AP3D1: variants seen among roughly 807,000 people sequenced by gnomAD.
AP3D1 encodes the protein adaptor related protein complex 3 subunit delta 1, also known as AP-3 complex subunit delta-1.
AP3D1 carries 51 observed loss-of-function variants against 147.6 expected under a neutral mutation model. That is an observed-to-expected ratio of 0.35 (90% confidence interval 0.28 to 0.44). The LOEUF is 0.44. AP3D1 is among the 20% of genes least tolerant of loss of function. AP3D1 has a pLI of 1.00. For synonymous variants in AP3D1, 760 were observed against 663.0 expected (o/e 1.15, Z -2.25); for missense variants, 1,421 against 1,624.2 (o/e 0.87, Z 2.15).
At chr19:2,120,555 G>A (rs1599459944) in intron 14 of AP3D1, among the ~76,000 whole-genome samples, 2 of 152,164 alleles carry the variant, frequency 1.3e-5, no homozygotes, top group South Asian at 4.1e-4. Flanking sequence ...CCAGCCCCCC[G>A]TCTGCAGCCC....
rs1358320501 is a variant in AP3D1 at position 2,121,180 on chromosome 19, G to A, written c.1233C>T (p.Tyr411=). 1 of 1,614,090 alleles carries A rather than the reference G, an allele frequency of 6.2e-7. No homozygotes were observed. Among genetic ancestry groups the A allele is most frequent in the African/African-American group, 1.3e-5 (1 of 74,930 alleles). The change falls in exon 13 of 32, where the codon TAC becomes TAT. Residue 411 remains tyrosine, a synonymous_variant. Transcript: ENST00000643116. ...IDICSQSNYQ[Y]ITNFEWYISI... is the part of the protein sequence containing the mutation. ...GGACGCACCACTCGAAGTTGGTGATGTACTGGTAGTTGGACTGGCTGCAGA... is the reference window on the plus strand; with the variant it reads ...GGACGCACCACTCGAAGTTGGTGATATACTGGTAGTTGGACTGGCTGCAGA...
At chr19:2,124,098 C>T (rs1442295149) in intron 9 of AP3D1, among the ~76,000 whole-genome samples, 1 of 152,248 alleles carries the variant, frequency 6.6e-6, no homozygotes, top group Non-Finnish European at 1.5e-5. Flanking sequence ...CCCACCCTCA[C>T]TGACAGGATG....
intron 1 of AP3D1, among the ~76,000 whole-genome samples, chr19:2,144,761 G>C (rs1183765937): frequency 6.6e-6 from 1 of 152,138 alleles, no homozygotes; most frequent in Non-Finnish European, 1.5e-5. Flanking sequence ...AAATTAGCTT[G>C]GTATGGTGGT....
rs549968593 is a variant in AP3D1 at position 2,123,426 on chromosome 19, G to A, written c.907-20C>T. The A allele has an allele frequency of 1.5e-5, 24 of 1,613,458 alleles. No individual in the cohort carries two copies. Among genetic ancestry groups the A allele is most frequent in the African/African-American group, 4.0e-5 (3 of 75,026 alleles). The stretch of plus-strand genomic sequence containing the variant: ...ACAAAGCTGAAAAGAAGAAAAAAAC[G>A]ATGCTGGTTACATCCTCTAAACCAA... On this transcript the variant is annotated intron_variant, in intron 10 of 31. Transcript: ENST00000643116.
At chr19:2,162,678 C>CA (rs2019737712) in intron 1 of AP3D1, among the ~76,000 whole-genome samples, 1 of 118,258 alleles carries the variant, frequency 8.5e-6, no homozygotes, top group East Asian at 2.6e-4. Context: ...CAAACCCCCC[C>CA]ACTCAAAAAA....
intron 11 of AP3D1, 76 bp from the exon 12 acceptor site, chr19:2,121,955 G>C: frequency 6.7e-7 from 1 of 1,485,484 alleles, no homozygotes; most frequent in Non-Finnish European, 9.0e-7. Flanking sequence ...ACGGCTCTCC[G>C]GGCCGGGTCT....
intron 31 of AP3D1, among the ~76,000 whole-genome samples, chr19:2,105,885 A>C (rs1267452689): frequency 6.6e-6 from 1 of 151,888 alleles, no homozygotes; most frequent in African/African-American, 2.4e-5. Flanking sequence ...CAGGAGTTTG[A>C]GACCAGCCTG....
rs564413775 is a variant in AP3D1, at chr19:2,118,564, C to A, written c.1713+37G>T. 17 of 1,578,254 alleles carry A rather than the reference C, an allele frequency of 1.1e-5. No homozygotes were observed. In the African/African-American group the frequency reaches 1.9e-4, roughly 17 times the overall value. On this transcript the variant is annotated intron_variant, in intron 15 of 31. Transcript: ENST00000643116. The stretch of plus-strand genomic sequence containing the variant: ...CTGGACAGAAAGGCACTGAGGGCTC[C>A]CTGAGGCTCGGCCCAACACGGAGTG...
chr19:2,114,891 G>C, intron 20 of AP3D1, 70 bp from the exon 21 acceptor site: 1 of 1,516,438 alleles, frequency 6.6e-7, no homozygotes, highest in Non-Finnish European at 9.2e-7. Context: ...ATCTATCTGG[G>C]ACGCAGTGGG....
rs576491441 is a variant in AP3D1 at position 2,107,406 on chromosome 19, C to T, written c.3552+1281G>A. Reference sequence around the variant, plus strand: ...ATCCTCAGTATGCTCCCAGAGGGCACTGGAACCAAACCGGACATCAAGAAA... The same window carrying T: ...ATCCTCAGTATGCTCCCAGAGGGCATTGGAACCAAACCGGACATCAAGAAA... On this transcript the variant is annotated intron_variant, in intron 31 of 31. Transcript: ENST00000643116. Among the ~76,000 whole-genome samples the T allele has an allele frequency of 2.1e-3, 320 of 152,130 alleles. 1 individual carries two copies. Among genetic ancestry groups the T allele is most frequent in the African/African-American group, 7.4e-3 (308 of 41,494 alleles).
At chr19:2,136,918 T>C (rs1004445258) in intron 4 of AP3D1, 93 bp downstream of exon 4, 2 of 1,227,542 alleles carry the variant, frequency 1.6e-6, no homozygotes, top group African/African-American at 3.0e-5. Flanking sequence ...CACAGGCACC[T>C]GCTGCCCACA....
At position 2,139,059 on chromosome 19, in the gene AP3D1, CAAAAAAAAAAAAAAAA is replaced by C. The variant is rs60728832; in HGVS notation, c.97-361_97-346del. On this transcript the variant is annotated intron_variant, in intron 1 of 31. Coordinates refer to ENST00000643116, the MANE Select transcript of AP3D1 (RefSeq NM_001261826.3). The stretch of plus-strand genomic sequence containing the variant: ...CAGGTGAGAGAGCCAGACTCCGTCT[CAAAAAAAAAAAAAAAA>C]AAAAAAAAAAAGGAAAGAAGCCAGG... Among the ~76,000 whole-genome samples the C allele has an allele frequency of 4.3e-3, 268 of 61,678 alleles. 1 individual carries two copies. The highest frequency in any genetic ancestry group is 0.015 in the African/African-American group (252 of 17,324). 40.5% of individuals were successfully genotyped at this position (61,678 alleles called of 152,430 possible). A position where few individuals can be genotyped will look rare whatever the true frequency, so the allele number is the denominator to read the frequency against.
At chr19:2,133,121 G>A (rs939044988) in intron 4 of AP3D1, among the ~76,000 whole-genome samples, 9 of 152,180 alleles carry the variant, frequency 5.9e-5, no homozygotes, top group Admixed American at 3.9e-4. Flanking sequence ...CAGAGACGGC[G>A]GTGCTGGGCC....
At chr19:2,112,225 C>A in intron 24 of AP3D1, 1 of 238,164 alleles carries the variant, frequency 4.2e-6, no homozygotes, top group South Asian at 6.7e-5. Flanking sequence ...GGGGAAGCGG[C>A]CCAAGTGGCT....
At chr19:2,152,654 G>A (rs1255835741), upstream of AP3D1, among the ~76,000 whole-genome samples, 3 of 151,736 alleles carry the variant, frequency 2.0e-5, no homozygotes, top group Non-Finnish European at 4.4e-5. Context: ...GAGGCAGGTG[G>A]ATCATGAGGT....
chr19:2,127,002 G>T, intron 9 of AP3D1, 150 bp downstream of exon 9: 1 of 784,518 alleles, frequency 1.3e-6, no homozygotes, highest in Non-Finnish European at 2.0e-6. Context: ...CGGACTCCCA[G>T]CCAGCCCCAG....
chr19:2,114,955 G>GCTCC, intron 20 of AP3D1, 134 bp from the exon 21 acceptor site: 1 of 1,006,580 alleles, frequency 9.9e-7, no homozygotes, highest in Non-Finnish European at 1.5e-6. Context: ...TCCACCAGAG[G>GCTCC]CTCCGCTCAG....
Position 2,117,294 on chromosome 19 carries a change from ACCT to A in AP3D1, c.1784_1786del (p.Glu595del), listed in dbSNP as rs1230526161. On this transcript the variant is annotated inframe_deletion, in exon 16 of 32. Coordinates refer to ENST00000643116, the MANE Select transcript of AP3D1 (RefSeq NM_001261826.3). Reference sequence around the variant, plus strand: ...CAGCTCCCCAGCAAAGAGAGCGCTGACCTCCTCTGCCACAGGCACGTCCTTGGC... The same window carrying A: ...CAGCTCCCCAGCAAAGAGAGCGCTGACCTCTGCCACAGGCACGTCCTTGGC... The A allele has an allele frequency of 6.2e-7, 1 of 1,612,206 alleles. No individual in the cohort carries two copies. The highest frequency in any genetic ancestry group is 1.3e-5 in the African/African-American group (1 of 74,768).
chr19:2,164,317 C>A, intron 1 of AP3D1: 1 of 1,201,988 alleles, frequency 8.3e-7, no homozygotes. Context: ...TCCTCCGCCG[C>A]CCCTGGGGAC....
Sources: allele counts gnomAD v4.1 joint callset (sites outside exome capture counted in the v4.1 genomes callset), GRCh38; gene constraint gnomAD v4.1.1; transcripts MANE v1.5; gene names NCBI Gene and HGNC (gene_info 2026-07-23, HGNC 2026-07-21).